Variants in LDLRAD4 observed in about 807,000 individuals in gnomAD.
The protein encoded by LDLRAD4 is low-density lipoprotein receptor class A domain-containing protein 4.
In LDLRAD4, 5 loss-of-function variants were observed where a neutral mutation model predicts 17.0. That is an observed-to-expected ratio of 0.29 (90% CI 0.15 to 0.62). The LOEUF is 0.62. LDLRAD4 is among the 20% of genes least tolerant of loss of function. The pLI is 0.84. For missense variants in LDLRAD4, 340 were observed against 424.7 expected (o/e 0.80, Z 1.75); for synonymous variants, 168 against 171.8 (o/e 0.98, Z 0.17).
intron 3 of LDLRAD4, among the ~76,000 whole-genome samples, chr18:13,459,382 C>CTTTTTG (rs2146529080): frequency 1.1e-5 from 1 of 93,804 alleles, no homozygotes; most frequent in East Asian, 3.1e-4. Flanking sequence ...TTTTTTTTTT[C>CTTTTTG]TTTTTGTTTT....
intron 1 of LDLRAD4, among the ~76,000 whole-genome samples, chr18:13,246,089 G>A (rs1386749336): frequency 6.6e-6 from 1 of 152,234 alleles, no homozygotes; most frequent in Admixed American, 6.5e-5. Flanking sequence ...AACAAAGATT[G>A]GCATGAAGGT....
At chr18:13,381,184 C>T (rs2085334497) in intron 1 of LDLRAD4, among the ~76,000 whole-genome samples, 3 of 148,452 alleles carry the variant, frequency 2.0e-5, no homozygotes, top group South Asian at 2.1e-4. Context: ...CTCAAGCAGT[C>T]CTCCTGCCTC....
Position 13,511,342 on chromosome 18 carries a change from T to C in LDLRAD4, c.181+72958T>C, listed in dbSNP as rs758975443. ...GAGGTCAGGCGTTCAAGACCAGCCA[T>C]CTCTACTAAAAATACAAAAATTAGC... On this transcript the variant is annotated intron_variant, in intron 3 of 5. Transcript: ENST00000359446. Among the ~76,000 whole-genome samples the C allele has an allele frequency of 2.4e-4, 37 of 151,944 alleles. 1 individual carries two copies.
rs1473971221 is a variant in LDLRAD4 at position 13,424,891 on chromosome 18, A to G, written c.41-13353A>G. ...TGCTCGGGACCACATGGCGAAGGGC[A>G]CGTATGCCTCGCTAATACGGACTAT... On this transcript the variant is annotated intron_variant, in intron 2 of 5. Coordinates refer to ENST00000359446, the Ensembl canonical transcript of LDLRAD4. 5.3e-5 allele frequency among the ~76,000 whole-genome samples: 8 copies of G among 152,324 alleles called. 1 individual carries two copies. The highest frequency in any genetic ancestry group is 1.5e-5 in the Non-Finnish European group (1 of 68,016).
At chr18:13,400,448 C>T in intron 2 of LDLRAD4, among the ~76,000 whole-genome samples, 1 of 152,328 alleles carries the variant, frequency 6.6e-6, no homozygotes, top group East Asian at 1.9e-4. Flanking sequence ...CCTGTCATGG[C>T]ACTGGGACTG....
intron 2 of LDLRAD4, among the ~76,000 whole-genome samples, chr18:13,416,087 G>A (rs1288745552): frequency 6.6e-6 from 1 of 152,232 alleles, no homozygotes; most frequent in Non-Finnish European, 1.5e-5. Context: ...GATCGGGCTG[G>A]CGGGGACACT....
intron 1 of LDLRAD4, among the ~76,000 whole-genome samples, chr18:13,231,132 C>T (rs1027060152): frequency 5.9e-5 from 9 of 152,254 alleles, no homozygotes; most frequent in African/African-American, 1.7e-4. Flanking sequence ...GCATGGAATG[C>T]GCGCCACGGG....
At chr18:13,450,335 C>A (rs925246926) in intron 3 of LDLRAD4, among the ~76,000 whole-genome samples, 2 of 125,756 alleles carry the variant, frequency 1.6e-5, no homozygotes, top group Admixed American at 7.5e-5. Flanking sequence ...CACCCCCCCC[C>A]CCAAAAAAAC....
chr18:13,645,850 A>G lies in LDLRAD4; in HGVS notation c.*193A>G, dbSNP rs559700608. On this transcript the variant is annotated 3_prime_UTR_variant, in exon 6 of 6. Transcript: ENST00000359446. The surrounding 1 kb of genome is among the most constrained non-coding windows in gnomAD (Gnocchi z 5.7). ...CTAGACTGAAATGATACAAACTTCC[A>G]TCTGGTCTGACCGCAAACAGTGTTT... 28 of 440,880 alleles carry G rather than the reference A, an allele frequency of 6.4e-5. No individual in the cohort carries two copies. The South Asian group carries it at 1.9e-3, about 29-fold the overall frequency. 27.3% of individuals were successfully genotyped at this position (440,880 alleles called of 1,614,324 possible). A position where few individuals can be genotyped will look rare whatever the true frequency, so the allele number is the denominator to read the frequency against.
intron 2 of LDLRAD4, among the ~76,000 whole-genome samples, chr18:13,406,137 G>A (rs1600014884): frequency 1.3e-5 from 2 of 152,166 alleles, no homozygotes; most frequent in Non-Finnish European, 2.9e-5. Context: ...GGGGACCCAC[G>A]CCCATGCTCT....
At chr18:13,626,012 CA>C (rs2041137219) in intron 4 of LDLRAD4, among the ~76,000 whole-genome samples, 1 of 151,634 alleles carries the variant, frequency 6.6e-6, no homozygotes, top group South Asian at 2.1e-4. Context: ...CTGTGTGTCC[CA>C]GGGGGGCCCA....
chr18:13,293,732 G>C lies in LDLRAD4; in HGVS notation c.-383+15544G>C, dbSNP rs192598187. Among the ~76,000 whole-genome samples the C allele has an allele frequency of 5.9e-5, 9 of 152,322 alleles. No homozygotes were observed. In the East Asian group the frequency reaches 1.7e-3, roughly 29 times the overall value. On this transcript the variant is annotated intron_variant, in intron 1 of 5. Coordinates refer to ENST00000359446, the Ensembl canonical transcript of LDLRAD4. ...TGTCCCTTTCCCTCTCCGTGTTTCC[G>C]CATTGCATGTTAATTTTCAGGTGGC...
upstream of LDLRAD4, among the ~76,000 whole-genome samples, chr18:13,273,238 GT>G (rs2044665791): frequency 6.6e-6 from 1 of 152,132 alleles, no homozygotes; most frequent in South Asian, 2.1e-4. Context: ...TGCTCCGTGT[GT>G]TTTCTGTCCC....
chr18:13,651,338 G>C (rs1412158817), exon 6 of LDLRAD4: 1 of 152,198 alleles, frequency 6.6e-6, no homozygotes, highest in Non-Finnish European at 1.5e-5. Context: ...AGAGATTGTA[G>C]GGAAAGAATA....
intron 3 of LDLRAD4, among the ~76,000 whole-genome samples, chr18:13,513,096 T>G (rs80244107): frequency 0.018 from 2,773 of 152,296 alleles, 99 homozygotes; most frequent in African/African-American, 0.063. Context: ...TCTTGCACAT[T>G]ACATAAGCTC....
intron 1 of LDLRAD4, among the ~76,000 whole-genome samples, chr18:13,357,929 C>T (rs1458029357): frequency 1.3e-5 from 2 of 152,090 alleles, no homozygotes; most frequent in Admixed American, 6.6e-5. Flanking sequence ...TGTTTCGATC[C>T]ATCACAATTA....
At chr18:13,283,994 T>A (rs184325625) in intron 1 of LDLRAD4, among the ~76,000 whole-genome samples, 2 of 152,266 alleles carry the variant, frequency 1.3e-5, no homozygotes, top group East Asian at 3.9e-4. Flanking sequence ...ATCACGAGAA[T>A]GGCACAGGAA....
At chr18:13,370,714 T>TTTTTTTTTTTGTTTG (rs763950485) in intron 1 of LDLRAD4, among the ~76,000 whole-genome samples, 2,220 of 29,128 alleles carry the variant, frequency 0.076, 105 homozygotes, top group African/African-American at 0.14. Flanking sequence ...TTTTGTTTTG[T>TTTTTTTTTTTGTTTG]TTTTTTTTTT....
intron 4 of LDLRAD4, among the ~76,000 whole-genome samples, chr18:13,623,358 T>TGCA: frequency 6.6e-6 from 1 of 152,358 alleles, no homozygotes; most frequent in Non-Finnish European, 1.5e-5. Context: ...CACATCCCTG[T>TGCA]CTGGGCCTCG....
Sources: allele counts gnomAD v4.1 joint callset (sites outside exome capture counted in the v4.1 genomes callset), GRCh38; gene constraint gnomAD v4.1.1; non-coding constraint Gnocchi (gnomAD v3.1); transcripts MANE v1.5; gene names NCBI Gene and HGNC (gene_info 2026-07-23, HGNC 2026-07-21).